Variants in NEGR1 observed in about 807,000 individuals in gnomAD.
NEGR1 encodes the protein IgLON family member 4.
Under a neutral mutation model 40.9 loss-of-function variants are expected in NEGR1, and 10 were observed. That is an observed-to-expected ratio of 0.24 (90% CI 0.15 to 0.42). The LOEUF is 0.42. Among genes scored for constraint, NEGR1 ranks in the 10% least tolerant of loss-of-function variants. The pLI is 1.00. For missense variants in NEGR1, 352 were observed against 438.9 expected (o/e 0.80, Z 1.77); for synonymous variants, 185 against 166.8 (o/e 1.11, Z -0.84).
chr1:72,241,700 T>C (rs1037013428), intron 1 of NEGR1, among the ~76,000 whole-genome samples: 8 of 151,662 alleles, frequency 5.3e-5, no homozygotes, highest in African/African-American at 1.7e-4. Context: ...AGTGATATTA[T>C]ATATTCCAGG....
chr1:71,802,356 G>A (rs1657593219), intron 2 of NEGR1, among the ~76,000 whole-genome samples: 2 of 152,136 alleles, frequency 1.3e-5, no homozygotes, highest in African/African-American at 2.4e-5. Context: ...GATTTAATCA[G>A]CTATGTCTCC....
chr1:71,710,795 G>T (rs761806026), intron 3 of NEGR1, among the ~76,000 whole-genome samples: 1 of 152,034 alleles, frequency 6.6e-6, no homozygotes, highest in Non-Finnish European at 1.5e-5. Flanking sequence ...AATTTAGAAA[G>T]AATGAATAAG....
At chr1:71,408,651 C>T (rs557818969) in intron 6 of NEGR1, 39 of 151,940 alleles carry the variant, frequency 2.6e-4, no homozygotes, top group African/African-American at 8.7e-4. Flanking sequence ...GAGACTGATT[C>T]TCATTTACCA....
At chr1:71,722,268 A>G (rs934226473) in intron 3 of NEGR1, among the ~76,000 whole-genome samples, 3 of 152,088 alleles carry the variant, frequency 2.0e-5, no homozygotes, top group Non-Finnish European at 4.4e-5. Flanking sequence ...CTTCCCTTGT[A>G]CATAGACCAC....
chr1:72,217,741 C>T (rs1476745996), intron 1 of NEGR1, among the ~76,000 whole-genome samples: 1 of 151,728 alleles, frequency 6.6e-6, no homozygotes, highest in African/African-American at 2.4e-5. Flanking sequence ...ACAGCCCTAA[C>T]AGTGGAAGTA....
At chr1:71,916,663 G>A (rs1052195940) in intron 2 of NEGR1, among the ~76,000 whole-genome samples, 2 of 152,156 alleles carry the variant, frequency 1.3e-5, no homozygotes, top group East Asian at 3.9e-4. Context: ...GGCAGAGGCA[G>A]GAGAATTGCT....
intron 1 of NEGR1, among the ~76,000 whole-genome samples, chr1:71,997,976 A>G (rs1481190636): frequency 6.6e-6 from 1 of 151,994 alleles, no homozygotes; most frequent in Non-Finnish European, 1.5e-5. Flanking sequence ...ATTAACAGTC[A>G]TTAACACTAA....
intron 1 of NEGR1, among the ~76,000 whole-genome samples, chr1:72,151,082 A>G (rs1651108538): frequency 6.6e-6 from 1 of 152,010 alleles, no homozygotes; most frequent in Non-Finnish European, 1.5e-5. Flanking sequence ...CTCATAGAAT[A>G]ATAATTTTAA....
intron 1 of NEGR1, among the ~76,000 whole-genome samples, chr1:72,218,711 A>G (rs1653909480): frequency 6.6e-6 from 1 of 152,038 alleles, no homozygotes; most frequent in African/African-American, 2.4e-5. Context: ...AAGGATTAAG[A>G]GAATGAAAAG....
intron 4 of NEGR1, among the ~76,000 whole-genome samples, chr1:71,684,076 C>A (rs1047124586): frequency 2.0e-5 from 3 of 152,128 alleles, no homozygotes; most frequent in Non-Finnish European, 4.4e-5. Context: ...CGAGACAATC[C>A]TGGCTAACAC....
chr1:72,263,986 G>A (rs1655553932), intron 1 of NEGR1, among the ~76,000 whole-genome samples: 1 of 151,384 alleles, frequency 6.6e-6, no homozygotes, highest in African/African-American at 2.4e-5. Flanking sequence ...GATGGGGAAT[G>A]GAGCACAAAA....
chr1:71,718,265 T>C (rs1038672080), intron 3 of NEGR1, among the ~76,000 whole-genome samples: 9 of 152,182 alleles, frequency 5.9e-5, no homozygotes, highest in African/African-American at 1.9e-4. Context: ...GTCTTCATTA[T>C]AGTGAGTTCT....
At chr1:71,873,118 C>CAAAA (rs34592789) in intron 2 of NEGR1, among the ~76,000 whole-genome samples, 32 of 81,738 alleles carry the variant, frequency 3.9e-4, no homozygotes, top group South Asian at 3.3e-3. Context: ...AAAGATGTAG[C>CAAAA]AAAAAAAAAA....
intron 2 of NEGR1, among the ~76,000 whole-genome samples, chr1:71,919,472 C>T (rs1365286943): frequency 3.4e-5 from 5 of 149,160 alleles, no homozygotes; most frequent in Non-Finnish European, 7.4e-5. Flanking sequence ...TCTTTTTTGT[C>T]TTTCTAATAC....
chr1:71,644,835 A>C (rs1020152458), intron 4 of NEGR1, among the ~76,000 whole-genome samples: 9 of 152,034 alleles, frequency 5.9e-5, no homozygotes, highest in African/African-American at 2.2e-4. Flanking sequence ...TACTAGAGAG[A>C]TGCTTATCCA....
At chr1:71,437,080 A>T (rs1646514739) in intron 6 of NEGR1, among the ~76,000 whole-genome samples, 1 of 151,984 alleles carries the variant, frequency 6.6e-6, no homozygotes, top group African/African-American at 2.4e-5. Flanking sequence ...CACTATAGGC[A>T]CATAACACTA....
intron 4 of NEGR1, among the ~76,000 whole-genome samples, chr1:71,644,161 C>A (rs939514624): frequency 6.6e-6 from 1 of 151,914 alleles, no homozygotes; most frequent in African/African-American, 2.4e-5. Context: ...GATCCCCTGA[C>A]TGACTCTTCT....
At chr1:71,574,068 T>A (rs906373642) in intron 6 of NEGR1, among the ~76,000 whole-genome samples, 1 of 152,214 alleles carries the variant, frequency 6.6e-6, no homozygotes, top group Non-Finnish European at 1.5e-5. Context: ...ATTCAGGCCA[T>A]TTCTTACAGG....
intron 2 of NEGR1, among the ~76,000 whole-genome samples, chr1:71,829,636 A>AAAAAC (rs200184811): frequency 5.3e-5 from 8 of 151,942 alleles, no homozygotes; most frequent in South Asian, 2.1e-4. Flanking sequence ...AGGAAAAACA[A>AAAAAC]AAAACAAAAC....
Sources: allele counts gnomAD v4.1 joint callset (sites outside exome capture counted in the v4.1 genomes callset), GRCh38; gene constraint gnomAD v4.1.1; transcripts MANE v1.5; gene names NCBI Gene and HGNC (gene_info 2026-07-23, HGNC 2026-07-21).